XPR1: variants seen among roughly 807,000 people sequenced by gnomAD.
XPR1 encodes the protein xenotropic and polytropic retrovirus receptor 1, also known as solute carrier family 53 member 1.
A neutral mutation model predicts 87.5 loss-of-function variants in XPR1; 28 were observed. That is an observed-to-expected ratio of 0.32 (90% CI 0.24 to 0.44). The LOEUF (loss-of-function observed/expected upper bound fraction) is 0.44, where lower values mean the gene tolerates loss of function less well. XPR1 is among the 20% of genes least tolerant of loss of function. The probability of loss-of-function intolerance (pLI) is 1.00; values close to 1 mark genes in which losing one functional copy is unlikely to be tolerated. For synonymous variants in XPR1, 300 were observed against 306.1 expected (o/e 0.98, Z 0.21); for missense variants, 559 against 862.3 (o/e 0.65, Z 4.41).
At chr1:180,724,145 C>A (rs898222693) in intron 2 of XPR1, among the ~76,000 whole-genome samples, 1 of 152,062 alleles carries the variant, frequency 6.6e-6, no homozygotes, top group Non-Finnish European at 1.5e-5. Context: ...ATGTGAGACA[C>A]ATGTTCTAAA....
intron 2 of XPR1, among the ~76,000 whole-genome samples, chr1:180,726,438 T>C (rs1658349485): frequency 1.3e-5 from 2 of 152,184 alleles, no homozygotes; most frequent in Non-Finnish European, 1.5e-5. Context: ...TTCGAAGGTC[T>C]GCGGCTTCAT....
rs116753745 is a variant in XPR1, at chr1:180,817,162, C to T, written c.763+5674C>T. 7.0e-3 allele frequency among the ~76,000 whole-genome samples: 1,057 copies of T among 151,824 alleles called. 14 individuals are homozygous for T. Among genetic ancestry groups the T allele is most frequent in the African/African-American group, 0.024 (1,004 of 41,412 alleles). ...AGAATAAGGATATAAAGAAAAAATA[C>T]GTCTATATTGTTATACAGTATGTCC... On this transcript the variant is annotated intron_variant, in intron 7 of 14. Transcript: ENST00000367590.
chr1:180,787,641 C>T (rs1649205494), intron 2 of XPR1, 112 bp from the exon 3 acceptor site: 2 of 719,646 alleles, frequency 2.8e-6, no homozygotes, highest in East Asian at 2.8e-5. Context: ...CAGAGAAATA[C>T]ATATAAAGTT....
chr1:180,641,119 A>G (rs1021831920), intron 1 of XPR1, among the ~76,000 whole-genome samples: 6 of 152,198 alleles, frequency 3.9e-5, no homozygotes, highest in Non-Finnish European at 8.8e-5. Flanking sequence ...CCAACATACT[A>G]GTTGAGTGAC....
Position 180,806,500 on chromosome 1 carries a change from T to A in XPR1, c.624T>A (p.Asp208Glu). 2 of 1,613,518 alleles carry A rather than the reference T, an allele frequency of 1.2e-6. No individual in the cohort carries two copies. The highest frequency in any genetic ancestry group is 1.7e-6 in the Non-Finnish European group (2 of 1,179,584). The change falls in exon 6 of 15, where the codon GAT (aspartate) becomes GAA (glutamate). Residue 208 changes from aspartate to glutamate, a missense_variant. Asp to Glu is a conservative substitution (Grantham distance 45, BLOSUM62 2). Coordinates refer to ENST00000367590, the MANE Select transcript of XPR1 (RefSeq NM_004736.4). ...CTGTAGTGACCAATGAACTTGAAGA[T>A]GGTGACAGACAAAAGGCTATGAAGC... ...TEAVVTNELE[D>E]GDRQKAMKRL...
chr1:180,730,991 A>G (rs1409038647), intron 2 of XPR1, among the ~76,000 whole-genome samples: 1 of 152,180 alleles, frequency 6.6e-6, no homozygotes, highest in African/African-American at 2.4e-5. Context: ...ATCTTTGTGT[A>G]TTCAGGTGAT....
intron 1 of XPR1, among the ~76,000 whole-genome samples, chr1:180,668,395 C>T (rs1001372529): frequency 6.6e-6 from 1 of 152,166 alleles, no homozygotes; most frequent in Non-Finnish European, 1.5e-5. Flanking sequence ...TCCCAAAGCA[C>T]TGGGATTACA....
At chr1:180,755,510 T>C (rs1647700570) in intron 2 of XPR1, among the ~76,000 whole-genome samples, 1 of 152,172 alleles carries the variant, frequency 6.6e-6, no homozygotes, top group Non-Finnish European at 1.5e-5. Context: ...TTGTGTTATT[T>C]GTCACACTCA....
chr1:180,687,513 A>G (rs1022661036), intron 2 of XPR1, among the ~76,000 whole-genome samples: 5 of 152,128 alleles, frequency 3.3e-5, no homozygotes, highest in Admixed American at 3.3e-4. Flanking sequence ...ATAGTGAATT[A>G]GTAGCTTCTT....
chr1:180,704,702 A>G (rs1657492782), intron 2 of XPR1, among the ~76,000 whole-genome samples: 1 of 150,640 alleles, frequency 6.6e-6, no homozygotes, highest in Non-Finnish European at 1.5e-5. Context: ...ATAGACTCTT[A>G]GTATCCTATT....
intron 3 of XPR1, among the ~76,000 whole-genome samples, chr1:180,797,111 T>G (rs1214558085): frequency 6.6e-6 from 1 of 152,152 alleles, no homozygotes; most frequent in Admixed American, 6.5e-5. Context: ...CTCTATAAAT[T>G]TACTGAAAGT....
chr1:180,795,252 C>A (rs1649525265), intron 3 of XPR1, among the ~76,000 whole-genome samples: 1 of 152,050 alleles, frequency 6.6e-6, no homozygotes, highest in Admixed American at 6.5e-5. Flanking sequence ...ATAACTTTTT[C>A]TAAAAGTAAA....
chr1:180,747,287 G>C (rs865853900), intron 2 of XPR1, among the ~76,000 whole-genome samples: 1 of 152,128 alleles, frequency 6.6e-6, no homozygotes, highest in Non-Finnish European at 1.5e-5. Context: ...TAACTAGCTT[G>C]TATCTTTTAT....
chr1:180,744,650 C>CTTTTTTTTTTTTTTT lies in XPR1; in HGVS notation c.122-43100_122-43099insTTTTTTTTTTTTTTT, dbSNP rs200044209. ...ACTTGTTCAGGTTTAGGCACAATTTCTTTCTTTTTTTTTTTTTTGAGACAG... is the reference window on the plus strand; with the variant it reads ...ACTTGTTCAGGTTTAGGCACAATTTCTTTTTTTTTTTTTTTTTTCTTTTTTTTTTTTTTGAGACAG... On this transcript the variant is annotated intron_variant, in intron 2 of 14. Transcript: ENST00000367590. 1.5e-3 allele frequency among the ~76,000 whole-genome samples: 88 copies of CTTTTTTTTTTTTTTT among 56,922 alleles called. 9 individuals are homozygous for CTTTTTTTTTTTTTTT. Among genetic ancestry groups the CTTTTTTTTTTTTTTT allele is most frequent in the African/African-American group, 2.8e-3 (48 of 17,128 alleles). The allele number at this position is 56,922 out of a possible 152,430, so 37.3% of individuals were successfully genotyped here. A position where few individuals can be genotyped will look rare whatever the true frequency, so the allele number is the denominator to read the frequency against.
At chr1:180,840,229 C>CA (rs5779073) in intron 11 of XPR1, among the ~76,000 whole-genome samples, 19 of 66,768 alleles carry the variant, frequency 2.8e-4, no homozygotes, top group East Asian at 4.2e-4. Flanking sequence ...GACTCTGTCT[C>CA]AAAAAAAAAA....
At chr1:180,770,581 T>C (rs182435727) in intron 2 of XPR1, among the ~76,000 whole-genome samples, 1 of 152,312 alleles carries the variant, frequency 6.6e-6, no homozygotes, top group Admixed American at 6.5e-5. Context: ...CAGATGGTTT[T>C]TAAATTTTAT....
chr1:180,696,165 G>GGTGGGTGGGT (rs1553237669), intron 2 of XPR1, among the ~76,000 whole-genome samples: 4 of 102,974 alleles, frequency 3.9e-5, no homozygotes, highest in Non-Finnish European at 7.7e-5. Context: ...TTTATTCCTG[G>GGTGGGTGGGT]GTGTGTGTGT....
intron 2 of XPR1, among the ~76,000 whole-genome samples, chr1:180,694,771 GTGCACACA>G (rs949574299): frequency 2.1e-5 from 2 of 93,756 alleles, no homozygotes; most frequent in African/African-American, 5.4e-5. Flanking sequence ...TGATTGTTGT[GTGCACACA>G]CACACACACA....
At chr1:180,721,477 A>G (rs1050037286) in intron 2 of XPR1, among the ~76,000 whole-genome samples, 5 of 152,212 alleles carry the variant, frequency 3.3e-5, no homozygotes, top group Non-Finnish European at 5.9e-5. Context: ...AAGGGAAGAA[A>G]GAAATTGTAC....
Sources: allele counts gnomAD v4.1 joint callset (sites outside exome capture counted in the v4.1 genomes callset), GRCh38; gene constraint gnomAD v4.1.1; transcripts MANE v1.5; gene names NCBI Gene and HGNC (gene_info 2026-07-23, HGNC 2026-07-21).